Variants in EXT2 observed in about 807,000 individuals in gnomAD.
EXT2 encodes exostosin-2.
Under a neutral mutation model 81.6 loss-of-function variants are expected in EXT2, and 53 were observed. The observed-to-expected ratio is 0.65, with a 90% confidence interval of 0.52 to 0.82. The LOEUF (loss-of-function observed/expected upper bound fraction) is 0.82. Among genes scored for constraint, EXT2 ranks in the 40% least tolerant of loss-of-function variants. The probability of loss-of-function intolerance (pLI) is 0.00; values close to 1 mark genes in which losing one functional copy is unlikely to be tolerated. For synonymous variants in EXT2, 320 were observed against 340.0 expected, an observed-to-expected ratio of 0.94 and a Z score of 0.65; for missense variants, 774 against 910.2, an observed-to-expected ratio of 0.85 and a Z score of 1.93.
intron 9 of EXT2, among the ~76,000 whole-genome samples, chr11:44,199,472 C>A (rs1163513245): frequency 6.6e-6 from 1 of 152,224 alleles, no homozygotes; most frequent in Non-Finnish European, 1.5e-5. Flanking sequence ...TCTGGAGTGG[C>A]CTGTTGTGTC....
At chr11:44,147,394 G>T (rs1330764272) in intron 7 of EXT2, among the ~76,000 whole-genome samples, 1 of 152,160 alleles carries the variant, frequency 6.6e-6, no homozygotes, top group African/African-American at 2.4e-5. Context: ...TCTTACAGAA[G>T]ATAAACTCAG....
At chr11:44,142,694 C>CT (rs1274427542) in intron 7 of EXT2, among the ~76,000 whole-genome samples, 1 of 152,102 alleles carries the variant, frequency 6.6e-6, no homozygotes, top group Admixed American at 6.5e-5. Flanking sequence ...AAGCTGCAGA[C>CT]TATGGTTGAG....
At chr11:44,236,176 T>TGC (rs1955962064) in intron 12 of EXT2, 117 bp from the exon 13 acceptor site, 2 of 831,424 alleles carry the variant, frequency 2.4e-6, no homozygotes, top group African/African-American at 1.7e-5. Context: ...TGTGTGTGTG[T>TGC]GCACGCGCAT....
intron 6 of EXT2, among the ~76,000 whole-genome samples, chr11:44,127,910 T>C (rs1449618448): frequency 3.9e-5 from 6 of 152,252 alleles, no homozygotes; most frequent in Admixed American, 3.9e-4. Context: ...CTACTGGGTG[T>C]TCACCATTTA....
intron 7 of EXT2, among the ~76,000 whole-genome samples, chr11:44,135,222 T>C (rs1954548159): frequency 6.6e-6 from 1 of 152,198 alleles, no homozygotes; most frequent in Non-Finnish European, 1.5e-5. Context: ...ATCAGGGGCC[T>C]CTTATTTTAT....
chr11:44,217,367 A>G (rs2135229819), intron 10 of EXT2, among the ~76,000 whole-genome samples: 1 of 152,250 alleles, frequency 6.6e-6, no homozygotes, highest in South Asian at 2.1e-4. Flanking sequence ...ATTTAATTGG[A>G]AGAAAACAGA....
rs954442213 is a variant in EXT2, at chr11:44,208,525, G to C, written c.1662+1566G>C. Among the ~76,000 whole-genome samples, 21 of 152,182 alleles carry C rather than the reference G, an allele frequency of 1.4e-4. 1 individual carries two copies. Among genetic ancestry groups the C allele is most frequent in the African/African-American group, 5.1e-4 (21 of 41,454 alleles). On this transcript the variant is annotated intron_variant, in intron 10 of 13. Coordinates refer to ENST00000533608, the MANE Select transcript of EXT2 (RefSeq NM_207122.2). ...TTACCTCTTTCCTCTGATTACTTGT[G>C]TTTGATTCCATATTACCTCTAAAGA... is the stretch of plus-strand genomic sequence containing the variant.
intron 7 of EXT2, among the ~76,000 whole-genome samples, chr11:44,157,191 C>T (rs1954866607): frequency 6.6e-6 from 1 of 152,216 alleles, no homozygotes. Context: ...AAAGTGAGCA[C>T]AGCACTGGAT....
rs977395242 is a variant in EXT2 at position 44,095,774 on chromosome 11, C to T, written c.-109C>T. The T allele has an allele frequency of 1.3e-5, 2 of 157,338 alleles. No individual in the cohort carries two copies. Among genetic ancestry groups the T allele is most frequent in the Non-Finnish European group, 2.8e-5 (2 of 71,908 alleles). The allele number at this position is 157,338 out of a possible 1,614,324, so 9.7% of individuals were successfully genotyped here. A position where few individuals can be genotyped will look rare whatever the true frequency, so the allele number is the denominator to read the frequency against. On this transcript the variant is annotated 5_prime_UTR_variant, in exon 1 of 14. Transcript: ENST00000533608. ...GGCTGGCGATTCGGACCGATCCGACCTGGGCGGAGGTGGCCCGCGCCCCGC... is the reference window on the plus strand; with the variant it reads ...GGCTGGCGATTCGGACCGATCCGACTTGGGCGGAGGTGGCCCGCGCCCCGC...
intron 10 of EXT2, among the ~76,000 whole-genome samples, chr11:44,212,777 G>T (rs1229538597): frequency 2.6e-5 from 4 of 152,128 alleles, no homozygotes; most frequent in Non-Finnish European, 5.9e-5. Context: ...GCAGCAACAT[G>T]AATAAATCTC....
chr11:44,136,061 T>C (rs909616702), intron 7 of EXT2, among the ~76,000 whole-genome samples: 1 of 152,262 alleles, frequency 6.6e-6, no homozygotes, highest in Non-Finnish European at 1.5e-5. Context: ...TAAAGTTTTC[T>C]GTTTAAGATG....
chr11:44,144,581 G>T (rs1954690712), intron 7 of EXT2, among the ~76,000 whole-genome samples: 1 of 152,154 alleles, frequency 6.6e-6, no homozygotes, highest in Non-Finnish European at 1.5e-5. Context: ...CTCACAGCAG[G>T]GTTTCAGCAG....
intron 4 of EXT2, among the ~76,000 whole-genome samples, chr11:44,117,055 C>A (rs972226407): frequency 2.0e-5 from 3 of 151,688 alleles, no homozygotes; most frequent in Admixed American, 2.0e-4. Flanking sequence ...CCAAAACCTC[C>A]GCCTCCCAGA....
rs11421737 is a variant in EXT2 at position 44,247,243 on chromosome 11, CT to C, written c.*2976del. Among the ~76,000 whole-genome samples the C allele has an allele frequency of 5.3e-3, 610 of 115,160 alleles. 4 individuals are homozygous for C. The highest frequency in any genetic ancestry group is 0.018 in the African/African-American group (551 of 30,344). 75.5% of individuals were successfully genotyped at this position (115,160 alleles called of 152,430 possible). ...CCTGCCAGTGATGCTCTGCTGTATC[CT>C]TTTTTTTTTTTTTTTTTTTGAGACA... On this transcript the variant is annotated 3_prime_UTR_variant, in exon 14 of 14. Coordinates refer to ENST00000533608, the MANE Select transcript of EXT2 (RefSeq NM_207122.2).
At chr11:44,119,177 C>CGCAT (rs1954280048) in intron 4 of EXT2, among the ~76,000 whole-genome samples, 1 of 42,786 alleles carries the variant, frequency 2.3e-5, no homozygotes, top group Non-Finnish European at 4.5e-5. Context: ...TATACACATA[C>CGCAT]ACACACACAC....
chr11:44,149,268 G>A (rs1380334991), intron 7 of EXT2, among the ~76,000 whole-genome samples: 2 of 152,122 alleles, frequency 1.3e-5, no homozygotes, highest in Non-Finnish European at 2.9e-5. Context: ...AGGCTGAGGT[G>A]GGAAGATTGC....
intron 10 of EXT2, 76 bp from the exon 11 acceptor site, chr11:44,232,277 A>G: frequency 6.3e-7 from 1 of 1,594,048 alleles, no homozygotes; most frequent in Non-Finnish European, 8.6e-7. Flanking sequence ...GTCTGTTGAT[A>G]CCTGTTTGGA....
intron 8 of EXT2, among the ~76,000 whole-genome samples, chr11:44,186,651 G>A (rs1955314548): frequency 6.6e-6 from 1 of 152,178 alleles, no homozygotes; most frequent in African/African-American, 2.4e-5. Context: ...TTTTCAAGAG[G>A]CATTCAAATG....
chr11:44,125,093 C>A, intron 5 of EXT2, 109 bp downstream of exon 5: 3 of 1,018,966 alleles, frequency 2.9e-6, no homozygotes, highest in Non-Finnish European at 4.5e-6. Context: ...TAGAATTACC[C>A]AAGGGGAAGA....
Sources: gnomAD v4.1 joint callset for allele counts (sites outside exome capture counted in the v4.1 genomes callset) on GRCh38, gnomAD v4.1.1 for gene constraint, MANE v1.5 for transcripts, NCBI Gene and HGNC (gene_info 2026-07-23, HGNC 2026-07-21) for gene names.